NOL4: variants seen among roughly 807,000 people sequenced by gnomAD.
NOL4 encodes the protein nucleolar protein 4.
Under a neutral mutation model 75.9 loss-of-function variants are expected in NOL4, and 17 were observed. That is an observed-to-expected ratio of 0.22 (90% CI 0.15 to 0.34). The LOEUF is 0.34. Ranked by LOEUF, NOL4 falls within the 10% of genes least tolerant of loss-of-function variation. NOL4 has a pLI of 1.00. For synonymous variants in NOL4, 292 were observed against 289.9 expected, an observed-to-expected ratio of 1.01 and a Z score of -0.07; for missense variants, 614 against 793.5, an observed-to-expected ratio of 0.77 and a Z score of 2.72.
intron 1 of NOL4, among the ~76,000 whole-genome samples, chr18:34,171,423 T>C (rs1314496449): frequency 2.0e-5 from 3 of 152,174 alleles, no homozygotes; most frequent in Non-Finnish European, 2.9e-5. Flanking sequence ...AGAGAATAAA[T>C]TTGTAATTAA....
Position 34,222,973 on chromosome 18 carries a change from G to A in NOL4, c.264+17C>T, listed in dbSNP as rs532033987. On this transcript the variant is annotated intron_variant, in intron 1 of 10. Transcript: ENST00000261592. The stretch of plus-strand genomic sequence containing the variant: ...CTGCTCCGGCAGACAAATAACAGAG[G>A]AAGGCGAGTCACTCACCGTGGTCTT... 1.2e-6 allele frequency: 2 copies of A among 1,602,344 alleles called. No individual in the cohort carries two copies. Among genetic ancestry groups the A allele is most frequent in the Non-Finnish European group, 1.7e-6 (2 of 1,179,286 alleles).
intron 9 of NOL4, among the ~76,000 whole-genome samples, chr18:33,900,262 G>A (rs1272662724): frequency 1.3e-5 from 2 of 152,072 alleles, no homozygotes; most frequent in African/African-American, 4.8e-5. Context: ...CAGCTCTTGG[G>A]TGAACTAATA....
At chr18:34,176,649 T>C (rs1414794174) in intron 1 of NOL4, among the ~76,000 whole-genome samples, 1 of 152,026 alleles carries the variant, frequency 6.6e-6, no homozygotes, top group Non-Finnish European at 1.5e-5. Flanking sequence ...CCCTTATATG[T>C]AGAAATATTG....
chr18:33,864,688 CCT>C (rs2144360149), intron 10 of NOL4, among the ~76,000 whole-genome samples: 1 of 152,246 alleles, frequency 6.6e-6, no homozygotes, highest in Admixed American at 6.5e-5. Context: ...GCAGTTTCCC[CCT>C]GTCTATGGTA....
At chr18:33,930,768 C>A (rs867178329) in intron 9 of NOL4, among the ~76,000 whole-genome samples, 27 of 151,946 alleles carry the variant, frequency 1.8e-4, no homozygotes, top group African/African-American at 6.5e-4. Context: ...GAATATCAAA[C>A]AGAAATTTAA....
intron 9 of NOL4, among the ~76,000 whole-genome samples, chr18:33,914,285 T>A (rs932990015): frequency 1.1e-4 from 17 of 151,982 alleles, no homozygotes; most frequent in African/African-American, 4.1e-4. Flanking sequence ...AAGGAATAAG[T>A]GCAAAGACCC....
chr18:34,175,277 G>T (rs1384893666), intron 1 of NOL4, among the ~76,000 whole-genome samples: 2 of 152,068 alleles, frequency 1.3e-5, no homozygotes, highest in Admixed American at 6.6e-5. Flanking sequence ...GCTGCCTCTT[G>T]TCGACCTGAC....
chr18:33,870,590 T>G (rs961905848), intron 10 of NOL4, among the ~76,000 whole-genome samples: 1 of 151,934 alleles, frequency 6.6e-6, no homozygotes, highest in Non-Finnish European at 1.5e-5. Flanking sequence ...ATATTATAAA[T>G]GTACGAAAGA....
chr18:33,971,772 T>A (rs528410530), intron 6 of NOL4, among the ~76,000 whole-genome samples: 12 of 148,914 alleles, frequency 8.1e-5, no homozygotes, highest in South Asian at 2.2e-4. Flanking sequence ...TATATAAATA[T>A]TTTTTTTTCT....
chr18:34,029,365 T>G (rs1354684898), intron 5 of NOL4, among the ~76,000 whole-genome samples: 1 of 152,124 alleles, frequency 6.6e-6, no homozygotes, highest in Admixed American at 6.5e-5. Context: ...CCCACACACA[T>G]AAAAATTTTA....
At chr18:33,886,139 T>C (rs565279936) in intron 9 of NOL4, among the ~76,000 whole-genome samples, 3 of 152,036 alleles carry the variant, frequency 2.0e-5, no homozygotes, top group East Asian at 1.9e-4. Flanking sequence ...CTTATGGACA[T>C]AGAGAGTAGA....
At chr18:34,196,696 G>A (rs2035353250) in intron 1 of NOL4, among the ~76,000 whole-genome samples, 1 of 151,842 alleles carries the variant, frequency 6.6e-6, no homozygotes, top group South Asian at 2.1e-4. Context: ...CAGCAGAAAG[G>A]GACTTTTCCC....
intron 1 of NOL4, among the ~76,000 whole-genome samples, chr18:34,201,008 G>C (rs1477204823): frequency 1.3e-5 from 2 of 151,636 alleles, no homozygotes; most frequent in African/African-American, 4.8e-5. Context: ...ATACTCCTAT[G>C]CTGCTCTATA....
chr18:34,161,453 C>T (rs1392860251), intron 1 of NOL4, among the ~76,000 whole-genome samples: 2 of 152,122 alleles, frequency 1.3e-5, no homozygotes, highest in Non-Finnish European at 2.9e-5. Context: ...GACAATTTTG[C>T]AAGAAATAAA....
At chr18:33,962,274 C>T (rs2145782211) in intron 6 of NOL4, among the ~76,000 whole-genome samples, 1 of 152,294 alleles carries the variant, frequency 6.6e-6, no homozygotes, top group Non-Finnish European at 1.5e-5. Flanking sequence ...TTTCAGTCAC[C>T]TGAGATTGAA....
chr18:33,989,190 CAAAAAAAAAAAA>C (rs55924436), intron 6 of NOL4, among the ~76,000 whole-genome samples: 27 of 65,104 alleles, frequency 4.1e-4, no homozygotes, highest in South Asian at 2.5e-3. Flanking sequence ...CCCATCTCTA[CAAAAAAAAAAAA>C]AAAAAAAAAA....
intron 1 of NOL4, chr18:34,222,247 T>C: frequency 1.4e-6 from 2 of 1,396,676 alleles, no homozygotes; most frequent in Non-Finnish European, 1.9e-6. Flanking sequence ...AAGGAACAAA[T>C]ACACACACCA....
At chr18:34,099,136 G>A (rs917222625) in intron 4 of NOL4, among the ~76,000 whole-genome samples, 9 of 151,884 alleles carry the variant, frequency 5.9e-5, no homozygotes, top group Non-Finnish European at 1.3e-4. Flanking sequence ...GCTGAGGCAG[G>A]TGGATCACCT....
At chr18:34,181,897 A>G (rs1320520029) in intron 1 of NOL4, among the ~76,000 whole-genome samples, 1 of 151,632 alleles carries the variant, frequency 6.6e-6, no homozygotes, top group South Asian at 2.1e-4. Flanking sequence ...AAAGACAAAA[A>G]GAAAATAACA....
Sources: gnomAD v4.1 joint callset for allele counts (sites outside exome capture counted in the v4.1 genomes callset) on GRCh38, gnomAD v4.1.1 for gene constraint, MANE v1.5 for transcripts, NCBI Gene and HGNC (gene_info 2026-07-23, HGNC 2026-07-21) for gene names.